The following SAMD12 variants were observed in gnomAD, a reference collection of about 807,000 sequenced individuals.
SAMD12 encodes the protein sterile alpha motif domain-containing protein 12.
In SAMD12, 9 loss-of-function variants were observed where a neutral mutation model predicts 15.0. That is an observed-to-expected ratio of 0.60 (90% CI 0.36 to 1.05). The LOEUF (loss-of-function observed/expected upper bound fraction) is 1.05, where lower values mean the gene tolerates loss of function less well. Among genes scored for constraint, SAMD12 ranks in the 50% least tolerant of loss-of-function variants. The pLI is 0.01. For synonymous variants in SAMD12, 86 were observed against 90.1 expected, an observed-to-expected ratio of 0.96 and a Z score of 0.25; for missense variants, 230 against 234.2, an observed-to-expected ratio of 0.98 and a Z score of 0.12.
intron 4 of SAMD12, among the ~76,000 whole-genome samples, chr8:118,208,016 G>A (rs1041733800): frequency 6.6e-6 from 1 of 151,980 alleles, no homozygotes; most frequent in South Asian, 2.1e-4. Context: ...ATGACACTTC[G>A]GGAGGCTGAG....
chr8:118,487,176 A>T (rs914861040), intron 2 of SAMD12, among the ~76,000 whole-genome samples: 2 of 152,118 alleles, frequency 1.3e-5, no homozygotes, highest in African/African-American at 4.8e-5. Context: ...CAGCTTTCCC[A>T]CCAAGGCAAC....
chr8:118,255,769 G>C lies in SAMD12; in HGVS notation c.434-58037C>G, dbSNP rs574750084. 4.5e-3 allele frequency among the ~76,000 whole-genome samples: 677 copies of C among 152,016 alleles called. 8 individuals carry two copies. The highest frequency in any genetic ancestry group is 0.015 in the African/African-American group (628 of 41,466). On this transcript the variant is annotated intron_variant, in intron 4 of 4. Transcript: ENST00000409003. ...CAGTCTATCATTGTTGGACATTTGG[G>C]TTGGTTCCAAGTCTTTGCTATTGTG...
At chr8:118,169,186 C>T in the SAMD12 span, among the ~76,000 whole-genome samples, 21 of 152,062 alleles carry the variant, frequency 1.4e-4, no homozygotes, top group African/African-American at 5.1e-4. Flanking sequence ...GTACATGTAC[C>T]CCCTGAATCT....
chr8:118,303,589 C>T (rs994347509), intron 4 of SAMD12, among the ~76,000 whole-genome samples: 2 of 152,140 alleles, frequency 1.3e-5, no homozygotes, highest in African/African-American at 4.8e-5. Context: ...GTTGGCAGGG[C>T]CTTCTTAGGA....
chr8:118,550,938 T>C (rs941040902), intron 2 of SAMD12, among the ~76,000 whole-genome samples: 1 of 150,728 alleles, frequency 6.6e-6, no homozygotes, highest in African/African-American at 2.5e-5. Flanking sequence ...AAGAAGGCCA[T>C]TACATAATGG....
chr8:118,507,991 C>CTTTTTT (rs11384671), intron 2 of SAMD12, among the ~76,000 whole-genome samples: 1,095 of 108,726 alleles, frequency 0.01, 36 homozygotes, highest in Non-Finnish European at 0.014. Context: ...GTATAATCTC[C>CTTTTTT]TTTTTTTTTT....
intron 4 of SAMD12, among the ~76,000 whole-genome samples, chr8:118,262,010 T>G (rs4876407): frequency 0.032 from 4,933 of 152,142 alleles, 112 homozygotes; most frequent in Non-Finnish European, 0.051. Context: ...AAATAATGCA[T>G]TCCTGTCATT....
intron 4 of SAMD12, among the ~76,000 whole-genome samples, chr8:118,343,401 A>AC (rs1447094161): frequency 6.3e-5 from 5 of 78,818 alleles, no homozygotes; most frequent in Non-Finnish European, 9.4e-5. Context: ...CTAACCAGAA[A>AC]TGCAACATGC....
chr8:118,349,539 C>T (rs1472869138), intron 4 of SAMD12, among the ~76,000 whole-genome samples: 1 of 152,220 alleles, frequency 6.6e-6, no homozygotes, highest in Non-Finnish European at 1.5e-5. Context: ...CAACTTTCCT[C>T]AGGTTCTTCT....
At chr8:118,467,519 T>A (rs1218512744) in intron 2 of SAMD12, among the ~76,000 whole-genome samples, 1 of 152,208 alleles carries the variant, frequency 6.6e-6, no homozygotes, top group Non-Finnish European at 1.5e-5. Context: ...AGAAAAGTCA[T>A]CTTTTGTGCA....
intron 4 of SAMD12, among the ~76,000 whole-genome samples, chr8:118,266,265 T>C (rs1408636598): frequency 6.6e-6 from 1 of 152,096 alleles, no homozygotes; most frequent in East Asian, 1.9e-4. Context: ...AAGATGAAAT[T>C]TGGGTGGGGA....
exon 5 of SAMD12, chr8:118,196,016 T>A: frequency 6.6e-6 from 1 of 152,284 alleles, no homozygotes; most frequent in African/African-American, 2.4e-5. Flanking sequence ...TGGTGGTGAC[T>A]GCAACTTCTC....
chr8:118,491,499 T>C (rs1005055382), intron 2 of SAMD12, among the ~76,000 whole-genome samples: 1 of 152,196 alleles, frequency 6.6e-6, no homozygotes, highest in Non-Finnish European at 1.5e-5. Flanking sequence ...AAAATTTACC[T>C]AGAGTAAAAC....
At chr8:118,288,358 A>G (rs1814167043) in intron 4 of SAMD12, 1 of 152,212 alleles carries the variant, frequency 6.6e-6, no homozygotes, top group African/African-American at 2.4e-5. Flanking sequence ...ATCACCCTGC[A>G]TAACTGTCTG....
chr8:118,221,263 A>C (rs1812076397), intron 4 of SAMD12, among the ~76,000 whole-genome samples: 1 of 152,204 alleles, frequency 6.6e-6, no homozygotes, highest in Non-Finnish European at 1.5e-5. Context: ...GAAAGGAAAA[A>C]GTAAGTAATC....
chr8:118,176,515 A>C, the SAMD12 span, among the ~76,000 whole-genome samples: 5 of 152,194 alleles, frequency 3.3e-5, no homozygotes, highest in Non-Finnish European at 7.3e-5. Flanking sequence ...CCTTTGCAGC[A>C]ACATGCATGG....
chr8:118,204,144 A>G (rs573307013), intron 4 of SAMD12, among the ~76,000 whole-genome samples: 2 of 152,150 alleles, frequency 1.3e-5, no homozygotes, highest in South Asian at 4.1e-4. Context: ...AACTTTTAGA[A>G]CCCTCACAGG....
At chr8:118,330,142 C>T (rs1331607577) in intron 4 of SAMD12, among the ~76,000 whole-genome samples, 1 of 152,208 alleles carries the variant, frequency 6.6e-6, no homozygotes, top group East Asian at 1.9e-4. Context: ...GACAGGATAT[C>T]ATCCCAACTC....
At chr8:118,209,943 C>T (rs4876802) in intron 4 of SAMD12, among the ~76,000 whole-genome samples, 44,997 of 152,080 alleles carry the variant, frequency 0.3, 6,765 homozygotes, top group African/African-American at 0.34. Context: ...CCTGGGATCA[C>T]CTCTCAGCCA....
Sources: allele counts gnomAD v4.1 joint callset (sites outside exome capture counted in the v4.1 genomes callset), GRCh38; gene constraint gnomAD v4.1.1; transcripts MANE v1.5; gene names NCBI Gene and HGNC (gene_info 2026-07-23, HGNC 2026-07-21).